Variants in POLR3B observed in about 807,000 individuals in gnomAD.
POLR3B encodes the protein RNA polymerase III subunit B.
Under a neutral mutation model 147.4 loss-of-function variants are expected in POLR3B, and 96 were observed. The observed-to-expected ratio is 0.65, with a 90% CI of 0.55 to 0.77. The LOEUF is 0.77. Ranked by LOEUF, POLR3B falls within the 30% of genes least tolerant of loss-of-function variation. The probability of loss-of-function intolerance (pLI) is 0.00; values close to 1 mark genes in which losing one functional copy is unlikely to be tolerated. For synonymous variants in POLR3B, 461 were observed against 485.9 expected, an observed-to-expected ratio of 0.95 and a Z score of 0.67; for missense variants, 1,036 against 1,413.5, an observed-to-expected ratio of 0.73 and a Z score of 4.28.
intron 19 of POLR3B, among the ~76,000 whole-genome samples, chr12:106,453,541 G>C (rs1294430103): frequency 6.6e-6 from 1 of 151,982 alleles, no homozygotes; most frequent in Non-Finnish European, 1.5e-5. Flanking sequence ...CTATTCACAG[G>C]GGGAGAAAAG....
intron 19 of POLR3B, among the ~76,000 whole-genome samples, chr12:106,447,665 C>A (rs978239997): frequency 2.0e-5 from 3 of 152,206 alleles, no homozygotes; most frequent in Non-Finnish European, 4.4e-5. Flanking sequence ...ACTTTCATAT[C>A]CTGCCCATTT....
intron 6 of POLR3B, among the ~76,000 whole-genome samples, chr12:106,375,085 G>C (rs2036660193): frequency 6.6e-6 from 1 of 152,184 alleles, no homozygotes; most frequent in South Asian, 2.1e-4. Context: ...GAGTGAATAC[G>C]TAGCAGAATA....
intron 21 of POLR3B, among the ~76,000 whole-genome samples, chr12:106,458,263 T>A (rs113783233): frequency 6.6e-6 from 1 of 151,990 alleles, no homozygotes; most frequent in African/African-American, 2.4e-5. Context: ...CTGGGACCCA[T>A]AGGCACGTGC....
At chr12:106,458,358 A>T (rs989840012) in intron 21 of POLR3B, among the ~76,000 whole-genome samples, 1 of 152,072 alleles carries the variant, frequency 6.6e-6, no homozygotes, top group African/African-American at 2.4e-5. Flanking sequence ...TCCTGGGCTC[A>T]AGTTCTCCAC....
intron 12 of POLR3B, among the ~76,000 whole-genome samples, chr12:106,422,170 G>A (rs900064692): frequency 1.3e-5 from 2 of 152,186 alleles, no homozygotes; most frequent in African/African-American, 4.8e-5. Flanking sequence ...GGAGGTGATT[G>A]GGTCATGGGG....
At chr12:106,369,449 G>T (rs957780642) in intron 5 of POLR3B, 99 bp downstream of exon 5, 1 of 956,740 alleles carries the variant, frequency 1.0e-6, no homozygotes, top group Non-Finnish European at 1.7e-6. Flanking sequence ...GGGATGGGGG[G>T]GGACATTCTT....
intron 19 of POLR3B, among the ~76,000 whole-genome samples, chr12:106,450,320 G>A (rs2037779105): frequency 6.6e-6 from 1 of 152,148 alleles, no homozygotes; most frequent in African/African-American, 2.4e-5. Flanking sequence ...CTTGAGTTGA[G>A]CTAAGATTTC....
chr12:106,387,619 A>G (rs2136910999), intron 9 of POLR3B, among the ~76,000 whole-genome samples: 1 of 152,338 alleles, frequency 6.6e-6, no homozygotes, highest in South Asian at 2.1e-4. Flanking sequence ...CACAATAGGT[A>G]TGTTTTAATA....
chr12:106,422,026 T>A (rs1722138637), intron 12 of POLR3B, among the ~76,000 whole-genome samples: 1 of 152,208 alleles, frequency 6.6e-6, no homozygotes, highest in South Asian at 2.1e-4. Flanking sequence ...AAAGTGCTAC[T>A]AATTTGTGCT....
At chr12:106,374,463 G>A (rs1331217937) in intron 6 of POLR3B, among the ~76,000 whole-genome samples, 2 of 151,558 alleles carry the variant, frequency 1.3e-5, no homozygotes, top group African/African-American at 4.8e-5. Context: ...TCATCCACCC[G>A]CCTTGGCCTC....
chr12:106,434,801 A>G (rs970500084), intron 16 of POLR3B, among the ~76,000 whole-genome samples: 1 of 152,158 alleles, frequency 6.6e-6, no homozygotes, highest in South Asian at 2.1e-4. Context: ...TTCCTCCTTC[A>G]TATGACACTA....
chr12:106,378,675 C>G (rs1774336869), intron 8 of POLR3B, among the ~76,000 whole-genome samples: 1 of 152,034 alleles, frequency 6.6e-6, no homozygotes, highest in Non-Finnish European at 1.5e-5. Flanking sequence ...TAAAACCACT[C>G]TTCAGTTTTT....
At chr12:106,401,832 A>G (rs2037072548) in intron 10 of POLR3B, among the ~76,000 whole-genome samples, 1 of 152,144 alleles carries the variant, frequency 6.6e-6, no homozygotes, top group African/African-American at 2.4e-5. Context: ...AGAGCTATCT[A>G]TGACAAACCC....
chr12:106,508,439 A>G (rs1296010122), intron 27 of POLR3B, among the ~76,000 whole-genome samples: 1 of 151,996 alleles, frequency 6.6e-6, no homozygotes, highest in Non-Finnish European at 1.5e-5. Flanking sequence ...TCTTGGACTC[A>G]TTTTCCTCCT....
At chr12:106,415,379 G>C (rs895377474) in intron 12 of POLR3B, among the ~76,000 whole-genome samples, 1 of 152,180 alleles carries the variant, frequency 6.6e-6, no homozygotes, top group Non-Finnish European at 1.5e-5. Context: ...AGTCTATGTT[G>C]TTGGTGACAA....
chr12:106,421,872 G>A (rs1268709750), intron 12 of POLR3B, among the ~76,000 whole-genome samples: 1 of 151,850 alleles, frequency 6.6e-6, no homozygotes, highest in Non-Finnish European at 1.5e-5. Context: ...GCTAATTTTT[G>A]TATTTTTAGT....
At chr12:106,437,449 T>G (rs2037592490) in intron 17 of POLR3B, among the ~76,000 whole-genome samples, 1 of 152,026 alleles carries the variant, frequency 6.6e-6, no homozygotes, top group Non-Finnish European at 1.5e-5. Flanking sequence ...TTTTAAGAAG[T>G]GGGGACTAGG....
At chr12:106,369,743 C>T in intron 6 of POLR3B, 60 bp downstream of exon 6, 1 of 1,059,166 alleles carries the variant, frequency 9.4e-7, no homozygotes, top group Non-Finnish European at 1.5e-6. Flanking sequence ...ATGATGTGAT[C>T]CCATTTCCTC....
In POLR3B at chr12:106,464,458, T is replaced by A. The variant is rs1387128752; in HGVS notation, c.2713+838T>A. On this transcript the variant is annotated intron_variant, in intron 23 of 27. Transcript: ENST00000228347. ...TTTTATAGATAAGGAAACAGAGGCATAGAAAGATTAATAGCTTGCCCAAGG... is the reference window on the plus strand; with the variant it reads ...TTTTATAGATAAGGAAACAGAGGCAAAGAAAGATTAATAGCTTGCCCAAGG... Among the ~76,000 whole-genome samples, 3 of 152,102 alleles carry A rather than the reference T, an allele frequency of 2.0e-5. No individual in the cohort carries two copies. In the South Asian group the frequency reaches 6.2e-4, roughly 32 times the overall value.
Sources: gnomAD v4.1 joint callset for allele counts (sites outside exome capture counted in the v4.1 genomes callset) on GRCh38, gnomAD v4.1.1 for gene constraint, MANE v1.5 for transcripts, NCBI Gene and HGNC (gene_info 2026-07-23, HGNC 2026-07-21) for gene names.